BICC1: variants seen among roughly 807,000 people sequenced by gnomAD.
BICC1 encodes the protein BicC family RNA binding protein 1, also known as protein bicaudal C homolog 1.
In BICC1, 43 loss-of-function variants were observed where a neutral mutation model predicts 111.0. The ratio of observed to expected loss-of-function variants is 0.39; its 90% CI spans 0.30 to 0.50. BICC1 has a LOEUF of 0.50. Ranked by LOEUF, BICC1 falls within the 20% of genes least tolerant of loss-of-function variation. The pLI, the probability that BICC1 is intolerant of heterozygous loss-of-function variation, is 0.88. For synonymous variants in BICC1, 467 were observed against 434.4 expected, an observed-to-expected ratio of 1.07 and a Z score of -0.93; for missense variants, 1,091 against 1,203.2, an observed-to-expected ratio of 0.91 and a Z score of 1.38.
chr10:58,619,675 A>G (rs1429104130), intron 1 of BICC1, among the ~76,000 whole-genome samples: 2 of 152,108 alleles, frequency 1.3e-5, no homozygotes, highest in African/African-American at 2.4e-5. Context: ...GGGTTTCACT[A>G]TGTTTGCCAG....
intron 3 of BICC1, among the ~76,000 whole-genome samples, chr10:58,724,403 A>G (rs922867204): frequency 6.0e-5 from 9 of 151,182 alleles, no homozygotes; most frequent in South Asian, 2.1e-4. Context: ...ATATGTGTGT[A>G]TGTGTGTGTG....
At chr10:58,668,116 A>C (rs1839074036) in intron 2 of BICC1, among the ~76,000 whole-genome samples, 1 of 152,120 alleles carries the variant, frequency 6.6e-6, no homozygotes, top group Non-Finnish European at 1.5e-5. Context: ...CATAGCATGC[A>C]AACTGGAAGC....
At chr10:58,575,955 A>G (rs1844099376) in intron 1 of BICC1, among the ~76,000 whole-genome samples, 3 of 152,210 alleles carry the variant, frequency 2.0e-5, no homozygotes, top group Admixed American at 1.3e-4. Flanking sequence ...ATATTTGAGC[A>G]TTTATGCTAA....
intron 1 of BICC1, among the ~76,000 whole-genome samples, chr10:58,543,787 G>A (rs1190997661): frequency 8.0e-5 from 12 of 149,510 alleles, no homozygotes; most frequent in African/African-American, 3.0e-4. Context: ...GGATTACAGG[G>A]TGTGAACCAC....
At chr10:58,723,800 G>A (rs1343455969) in intron 3 of BICC1, among the ~76,000 whole-genome samples, 1 of 152,194 alleles carries the variant, frequency 6.6e-6, no homozygotes, top group Non-Finnish European at 1.5e-5. Flanking sequence ...AAAATCTTAA[G>A]AGGTTGAGTG....
intron 2 of BICC1, among the ~76,000 whole-genome samples, chr10:58,646,000 G>T (rs754444333): frequency 2.2e-4 from 34 of 151,462 alleles, no homozygotes; most frequent in Non-Finnish European, 1.0e-4. Context: ...GGATGAATTT[G>T]GAACAATGCC....
chr10:58,599,630 C>A (rs186957776), intron 1 of BICC1, among the ~76,000 whole-genome samples: 70 of 152,100 alleles, frequency 4.6e-4, no homozygotes, highest in Middle Eastern at 3.4e-3. Flanking sequence ...GCACATGTAC[C>A]CCAGAACTTA....
At chr10:58,716,154 T>C (rs1840733161) in intron 3 of BICC1, 10 of 1,504,180 alleles carry the variant, frequency 6.6e-6, no homozygotes, top group Non-Finnish European at 8.1e-6. Flanking sequence ...CAGAGTATAT[T>C]GAGGAGGTGC....
chr10:58,735,873 AC>A (rs543045161), intron 3 of BICC1, among the ~76,000 whole-genome samples: 60 of 152,298 alleles, frequency 3.9e-4, no homozygotes, highest in African/African-American at 1.4e-3. Flanking sequence ...TCTTAGCTCG[AC>A]CCCAAATAAA....
intron 2 of BICC1, among the ~76,000 whole-genome samples, chr10:58,694,225 C>G (rs1840002236): frequency 1.3e-5 from 2 of 152,146 alleles, no homozygotes; most frequent in Non-Finnish European, 1.5e-5. Flanking sequence ...GTCAGTTTCC[C>G]CTTTTGATTT....
intron 3 of BICC1, among the ~76,000 whole-genome samples, chr10:58,754,381 CA>C (rs1842079711): frequency 6.6e-6 from 1 of 152,168 alleles, no homozygotes; most frequent in African/African-American, 2.4e-5. Flanking sequence ...ACGAATGTAG[CA>C]AATTCTGTCA....
At chr10:58,763,125 T>TGGTAGTTC (rs1842364456) in intron 3 of BICC1, among the ~76,000 whole-genome samples, 1 of 152,236 alleles carries the variant, frequency 6.6e-6, no homozygotes, top group East Asian at 1.9e-4. Context: ...GATGTAGTTC[T>TGGTAGTTC]GTCAGATCCT....
intron 1 of BICC1, among the ~76,000 whole-genome samples, chr10:58,552,933 A>G (rs768349463): frequency 2.2e-4 from 34 of 152,170 alleles, no homozygotes; most frequent in Non-Finnish European, 3.7e-4. Context: ...TCAGACAGAT[A>G]TATAATATTT....
chr10:58,693,168 T>G (rs1406433389), intron 2 of BICC1, among the ~76,000 whole-genome samples: 1 of 152,218 alleles, frequency 6.6e-6, no homozygotes, highest in Non-Finnish European at 1.5e-5. Flanking sequence ...GTTTCATCCA[T>G]GTCCCTACAA....
intron 1 of BICC1, among the ~76,000 whole-genome samples, chr10:58,577,062 G>A (rs957569011): frequency 6.6e-6 from 1 of 152,136 alleles, no homozygotes; most frequent in Non-Finnish European, 1.5e-5. Context: ...GACAGAGAAA[G>A]CAACTTTGAT....
rs554695105 is a variant in BICC1 at position 58,561,159 on chromosome 10, G to A, written c.190+47826G>A. Among the ~76,000 whole-genome samples, 4 of 151,798 alleles carry A rather than the reference G, an allele frequency of 2.6e-5. No homozygotes were observed. The East Asian group carries it at 7.7e-4, about 29-fold the overall frequency. The stretch of plus-strand genomic sequence containing the variant: ...GAAGTCCTCAACTATTATTGTATTG[G>A]GGCCTGTCTCTCCCTTTTAATATAA... On this transcript the variant is annotated intron_variant, in intron 1 of 20. Transcript: ENST00000373886.
At chr10:58,815,338 A>T (rs1168792492) in intron 18 of BICC1, among the ~76,000 whole-genome samples, 1 of 152,190 alleles carries the variant, frequency 6.6e-6, no homozygotes, top group Non-Finnish European at 1.5e-5. Context: ...GTACACTGTC[A>T]ATAGTAGCCT....
chr10:58,608,928 C>T (rs1845324710), intron 1 of BICC1, among the ~76,000 whole-genome samples: 1 of 152,208 alleles, frequency 6.6e-6, no homozygotes, highest in African/African-American at 2.4e-5. Context: ...CTCTTCTTTG[C>T]CCTCTGTCAA....
At chr10:58,801,735 G>A (rs959031008) in intron 14 of BICC1, among the ~76,000 whole-genome samples, 2 of 151,818 alleles carry the variant, frequency 1.3e-5, no homozygotes, top group African/African-American at 2.4e-5. Context: ...AAAGATTAGC[G>A]TACATGGTTT....
Sources: allele counts gnomAD v4.1 joint callset (sites outside exome capture counted in the v4.1 genomes callset), GRCh38; gene constraint gnomAD v4.1.1; transcripts MANE v1.5; gene names NCBI Gene and HGNC (gene_info 2026-07-23, HGNC 2026-07-21).